ZNF268: variants seen among roughly 807,000 people sequenced by gnomAD.
ZNF268 encodes zinc finger protein 268.
A neutral mutation model predicts 29.3 loss-of-function variants in ZNF268; 20 were observed. That is an observed-to-expected ratio of 0.68 (90% confidence interval 0.48 to 0.99). The LOEUF is 0.99. ZNF268 is among the 50% of genes least tolerant of loss of function. The probability of loss-of-function intolerance (pLI) is 0.00; values close to 1 mark genes in which losing one functional copy is unlikely to be tolerated. For synonymous variants in ZNF268, 429 were observed against 376.9 expected (o/e 1.14, Z -1.60); for missense variants, 1,240 against 1,121.6 (o/e 1.11, Z -1.51).
Position 133,210,652 on chromosome 12 carries a change from T to G in ZNF268, c.*6122T>G. On this transcript the variant is annotated 3_prime_UTR_variant, in exon 6 of 6. Coordinates refer to ENST00000536435, the MANE Select transcript of ZNF268 (RefSeq NM_003415.3). ...TCACTGTGAAGTGCCCTCGGGGGTC[T>G]CCGGGTCCTGAGTAGAAGCAAGGTC... 1 of 353,772 alleles carries G rather than the reference T, an allele frequency of 2.8e-6. No individual in the cohort carries two copies. Among genetic ancestry groups the G allele is most frequent in the Admixed American group, 3.7e-5 (1 of 27,210 alleles). The allele number at this position is 353,772 out of a possible 1,614,324, so 21.9% of individuals were successfully genotyped here.
chr12:133,191,396 A>G, intron 3 of ZNF268, 93 bp from the exon 4 acceptor site: 3 of 1,472,292 alleles, frequency 2.0e-6, no homozygotes, highest in Middle Eastern at 1.8e-4. Context: ...TTGTTCTCAC[A>G]AAGTTAAACA....
rs1242766980 is a variant in ZNF268, at chr12:133,205,686, A to C, written c.*1156A>C. 6.6e-6 allele frequency: 1 copy of C among 152,176 alleles called. No individual in the cohort carries two copies. The allele number at this position is 152,176 out of a possible 1,614,324, so 9.4% of individuals were successfully genotyped here. A position where few individuals can be genotyped will look rare whatever the true frequency, so the allele number is the denominator to read the frequency against. On this transcript the variant is annotated 3_prime_UTR_variant, in exon 6 of 6. Coordinates refer to ENST00000536435, the MANE Select transcript of ZNF268 (RefSeq NM_003415.3). The stretch of plus-strand genomic sequence containing the variant: ...CCCTTTGGAAGCAGTCTTGGCAGCA[A>C]CCTCTTTAGTAATCAATATAAGGCA...
Position 133,192,403 on chromosome 12 carries a change from C to T in ZNF268, c.457+400C>T, listed in dbSNP as rs73163699. 6.7e-3 allele frequency among the ~76,000 whole-genome samples: 1,015 copies of T among 152,134 alleles called. 8 individuals carry two copies. Among genetic ancestry groups the T allele is most frequent in the African/African-American group, 0.023 (936 of 41,510 alleles). On this transcript the variant is annotated intron_variant, in intron 5 of 5. Coordinates refer to ENST00000536435, the MANE Select transcript of ZNF268 (RefSeq NM_003415.3). ...GATTACAGGCGTGAGCCAGCGTGCC[C>T]GGCCTTACCATCCACTCTTAATCTT...
intron 5 of ZNF268, among the ~76,000 whole-genome samples, chr12:133,197,670 C>G (rs1009392827): frequency 6.6e-6 from 1 of 152,324 alleles, no homozygotes; most frequent in Admixed American, 6.5e-5. Flanking sequence ...TAAAGGTGTT[C>G]CTGTTTCTCC....
intron 2 of ZNF268, among the ~76,000 whole-genome samples, chr12:133,186,384 C>A (rs1956315595): frequency 1.4e-5 from 2 of 141,320 alleles, no homozygotes; most frequent in African/African-American, 5.2e-5. Context: ...AGGGAATAAT[C>A]TTTTTTTTTT....
chr12:133,189,719 T>TA (rs778184656), intron 3 of ZNF268, among the ~76,000 whole-genome samples: 1 of 152,212 alleles, frequency 6.6e-6, no homozygotes, highest in Non-Finnish European at 1.5e-5. Flanking sequence ...ACTCTCTCTG[T>TA]AAAAAAGGAC....
chr12:133,195,351 ATGTT>A (rs1956567876), intron 5 of ZNF268, among the ~76,000 whole-genome samples: 1 of 152,156 alleles, frequency 6.6e-6, no homozygotes, highest in Non-Finnish European at 1.5e-5. Context: ...GTCTCGAATC[ATGTT>A]TAAATAATCT....
intron 2 of ZNF268, chr12:133,184,623 T>TCA: frequency 5.4e-6 from 1 of 186,142 alleles, no homozygotes. Flanking sequence ...ATTTATTTAT[T>TCA]TGTTTATTTT....
In ZNF268 at chr12:133,203,561, A is replaced by T. The variant is rs1330792436; in HGVS notation, c.1875A>T (p.Ser625=). ...GTCAGAAAGCCTTTAATACAAAGTC[A>T]AACCTGATTGTACATCAGAGAACTC... ...SECQKAFNTK[S]NLIVHQRTHT... Residue 625 remains serine, a synonymous_variant, in exon 6 of 6, where the codon TCA becomes TCT. Transcript: ENST00000536435. The T allele has an allele frequency of 6.4e-7, 1 of 1,560,410 alleles. No homozygotes were observed. The highest frequency in any genetic ancestry group is 8.7e-7 in the Non-Finnish European group (1 of 1,155,954).
At chr12:133,192,769 C>T (rs901248611) in intron 5 of ZNF268, among the ~76,000 whole-genome samples, 3 of 151,904 alleles carry the variant, frequency 2.0e-5, no homozygotes, top group Non-Finnish European at 4.4e-5. Flanking sequence ...TCCCGGGTCT[C>T]CTGCTTCAGC....
At chr12:133,191,388 G>C in intron 3 of ZNF268, 101 bp from the exon 4 acceptor site, 1 of 1,332,022 alleles carries the variant, frequency 7.5e-7, no homozygotes, top group Non-Finnish European at 1.0e-6. Flanking sequence ...TACAATTTTT[G>C]TTCTCACAAA....
intron 3 of ZNF268, among the ~76,000 whole-genome samples, chr12:133,190,023 T>C (rs1023528934): frequency 6.6e-6 from 1 of 152,134 alleles, no homozygotes; most frequent in Non-Finnish European, 1.5e-5. Context: ...TTAGCCAGGA[T>C]GGTCTCGTTC....
Position 133,206,762 on chromosome 12 carries a change from G to A in ZNF268, c.*2232G>A, listed in dbSNP as rs1348617235. ...AGAATCCAATCTCAAGATACTTGGG[G>A]TGAAGAATGATGATTCACAGAAGGG... is the stretch of plus-strand genomic sequence containing the variant. On this transcript the variant is annotated 3_prime_UTR_variant, in exon 6 of 6. Transcript: ENST00000536435. The A allele has an allele frequency of 1.3e-5, 2 of 152,170 alleles. No homozygotes were observed. Among genetic ancestry groups the A allele is most frequent in the African/African-American group, 4.8e-5 (2 of 41,436 alleles). The allele number at this position is 152,170 out of a possible 1,614,324, so 9.4% of individuals were successfully genotyped here. A position where few individuals can be genotyped will look rare whatever the true frequency, so the allele number is the denominator to read the frequency against.
At position 133,207,568 on chromosome 12, in the gene ZNF268, G is replaced by T. The variant is rs1237192001; in HGVS notation, c.*3038G>T. On this transcript the variant is annotated 3_prime_UTR_variant, in exon 6 of 6. Coordinates refer to ENST00000536435, the MANE Select transcript of ZNF268 (RefSeq NM_003415.3). Reference sequence around the variant, plus strand: ...TCACACCTATAATCCCAGCACTTCAGGAGGCTGAGATGGTGGATCACCTGA... The same window carrying T: ...TCACACCTATAATCCCAGCACTTCATGAGGCTGAGATGGTGGATCACCTGA... 1 of 152,198 alleles carries T rather than the reference G, an allele frequency of 6.6e-6. No homozygotes were observed. The highest frequency in any genetic ancestry group is 2.4e-5 in the African/African-American group (1 of 41,440). 9.4% of individuals were successfully genotyped at this position (152,198 alleles called of 1,614,324 possible). A position where few individuals can be genotyped will look rare whatever the true frequency, so the allele number is the denominator to read the frequency against.
intron 2 of ZNF268, among the ~76,000 whole-genome samples, chr12:133,186,658 A>G (rs1048344817): frequency 1.3e-5 from 2 of 152,044 alleles, no homozygotes; most frequent in Non-Finnish European, 2.9e-5. Context: ...GATTACAGGC[A>G]TGAGCCACTG....
At position 133,191,571 on chromosome 12, in the gene ZNF268, A is replaced by G. The variant is rs755413863; in HGVS notation, c.317A>G (p.Tyr106Cys). Residue 106 changes from tyrosine to cysteine, a missense_variant, in exon 4 of 6, where the codon TAC (tyrosine) becomes TGC (cysteine). By Grantham distance (194) the Tyr-to-Cys change is radical. Transcript: ENST00000536435. ...CTAGACCCAGCACAGAAGTGCCTGT[A>G]CAGGAGTGTGATGTTGGAGAACTAT... ...QLLDPAQKCLYRSVMLENYSN... is the reference protein window; with the variant it reads ...QLLDPAQKCLCRSVMLENYSN... The G allele has an allele frequency of 4.3e-6, 7 of 1,614,134 alleles. No individual in the cohort carries two copies. In the South Asian group the frequency reaches 7.7e-5, roughly 18 times the overall value.
At chr12:133,191,394 A>G (rs903761511) in intron 3 of ZNF268, 95 bp from the exon 4 acceptor site, 4 of 1,459,658 alleles carry the variant, frequency 2.7e-6, no homozygotes, top group African/African-American at 1.4e-5. Context: ...TTTTGTTCTC[A>G]CAAAGTTAAA....
chr12:133,187,904 G>T lies in ZNF268; in HGVS notation c.66G>T (p.Trp22Cys). Residue 22 changes from tryptophan to cysteine, a missense_variant, in exon 3 of 6, where the codon TGG (tryptophan) becomes TGT (cysteine). Transcript: ENST00000536435. ...VPPLQERNSS[W>C]DRIRKLQGQE... ...CTCTCCAAGAACGAAACAGTTCATG[G>T]GATAGGATCAGAAAGCTCCAAGGTC... The T allele has an allele frequency of 5.6e-6, 9 of 1,600,012 alleles. No individual in the cohort carries two copies. Among genetic ancestry groups the T allele is most frequent in the East Asian group, 2.2e-5 (1 of 44,484 alleles).
rs975093578 is a variant in ZNF268 at position 133,208,845 on chromosome 12, G to T, written c.*4315G>T. 4 of 148,668 alleles carry T rather than the reference G, an allele frequency of 2.7e-5. No homozygotes were observed. The highest frequency in any genetic ancestry group is 9.9e-5 in the African/African-American group (4 of 40,276). The allele number at this position is 148,668 out of a possible 1,614,324, so 9.2% of individuals were successfully genotyped here. ...AAACAAATGTTTGGAACTGCCAGTA[G>T]AGTAGCAAGTATGCAGTTGTCAGTA... On this transcript the variant is annotated 3_prime_UTR_variant, in exon 6 of 6. Transcript: ENST00000536435.
Sources: allele counts gnomAD v4.1 joint callset (sites outside exome capture counted in the v4.1 genomes callset), GRCh38; gene constraint gnomAD v4.1.1; transcripts MANE v1.5; gene names NCBI Gene and HGNC (gene_info 2026-07-23, HGNC 2026-07-21).